The following SYT2 variants were observed in gnomAD, a reference collection of about 807,000 sequenced individuals.
SYT2 encodes the protein synaptotagmin-2.
Under a neutral mutation model 39.9 loss-of-function variants are expected in SYT2, and 15 were observed. The observed-to-expected ratio is 0.38, with a 90% CI of 0.25 to 0.58. SYT2 has a LOEUF of 0.58. Ranked by LOEUF, SYT2 falls within the 20% of genes least tolerant of loss-of-function variation. The probability of loss-of-function intolerance (pLI) is 0.70; values close to 1 mark genes in which losing one functional copy is unlikely to be tolerated. For synonymous variants in SYT2, 181 were observed against 204.5 expected (o/e 0.89, Z 0.98); for missense variants, 389 against 530.3 (o/e 0.73, Z 2.62).
At chr1:202,639,870 T>G in intron 1 of SYT2, 1 of 978,060 alleles carries the variant, frequency 1.0e-6, no homozygotes, top group African/African-American at 1.8e-5. Context: ...ACTGCAGGAC[T>G]GTGAACTGTA....
rs547504288 is a variant in SYT2 at position 202,609,124 on chromosome 1, G to A, written c.-17-3335C>T. Among the ~76,000 whole-genome samples the A allele has an allele frequency of 2.7e-4, 40 of 146,394 alleles. 1 individual carries two copies. The South Asian group carries it at 7.8e-3, about 29-fold the overall frequency. On this transcript the variant is annotated intron_variant, in intron 1 of 8. Transcript: ENST00000367268. ...TTCCCACCTATGAGTGAGAACATGC[G>A]GTGTTTGGTTTTTTGTCCTTGCGAT...
chr1:202,627,396 C>T (rs1313022114), intron 1 of SYT2: 6 of 973,802 alleles, frequency 6.2e-6, no homozygotes, highest in Non-Finnish European at 6.1e-6. Flanking sequence ...ACTCTGGCAA[C>T]CTCCGTCCCA....
chr1:202,700,268 G>T (rs1654079116), intron 1 of SYT2, among the ~76,000 whole-genome samples: 1 of 152,186 alleles, frequency 6.6e-6, no homozygotes, highest in Non-Finnish European at 1.5e-5. Flanking sequence ...CAGCAAGGCT[G>T]CCAGGCTGAC....
At chr1:202,688,379 G>A (rs975708302) in intron 1 of SYT2, among the ~76,000 whole-genome samples, 2 of 152,186 alleles carry the variant, frequency 1.3e-5, no homozygotes, top group Non-Finnish European at 2.9e-5. Flanking sequence ...CCCCGTGGGC[G>A]GCACAGTCGA....
intron 1 of SYT2, among the ~76,000 whole-genome samples, chr1:202,663,733 T>A (rs1253692505): frequency 6.6e-6 from 1 of 152,190 alleles, no homozygotes. Flanking sequence ...TGAGGCTGGC[T>A]AAGGGACCTC....
intron 1 of SYT2, among the ~76,000 whole-genome samples, chr1:202,629,866 G>GT (rs1345002188): frequency 9.0e-6 from 1 of 111,404 alleles, no homozygotes; most frequent in Non-Finnish European, 1.9e-5. Flanking sequence ...CAGGCAGCTG[G>GT]TGGGGGGGGG....
Position 202,601,743 on chromosome 1 carries a change from A to G in SYT2, c.801+147T>C, listed in dbSNP as rs1690510251. On this transcript the variant is annotated intron_variant, in intron 6 of 8. Coordinates refer to ENST00000367268, the MANE Select transcript of SYT2 (RefSeq NM_177402.5). This position sits in a 1 kb window ranked among gnomAD's most constrained non-coding sequence, Gnocchi z 4.0. The stretch of plus-strand genomic sequence containing the variant: ...TCCAGAGAGTGTAAGCAACTTGCCC[A>G]GGGTCACACAGCCAGGCAGTGTGGA... 1 of 828,776 alleles carries G rather than the reference A, an allele frequency of 1.2e-6. No individual in the cohort carries two copies. 51.3% of individuals were successfully genotyped at this position (828,776 alleles called of 1,614,324 possible).
At chr1:202,655,236 T>A (rs1179791720) in intron 1 of SYT2, among the ~76,000 whole-genome samples, 1 of 152,014 alleles carries the variant, frequency 6.6e-6, no homozygotes. Flanking sequence ...AGGTTGAAGC[T>A]GAAGGGTATG....
At chr1:202,618,353 G>A (rs1454906050) in intron 1 of SYT2, among the ~76,000 whole-genome samples, 1 of 151,810 alleles carries the variant, frequency 6.6e-6, no homozygotes, top group Non-Finnish European at 1.5e-5. Context: ...CTATATCCAG[G>A]GACACCCACC....
intron 1 of SYT2, among the ~76,000 whole-genome samples, chr1:202,656,940 T>A (rs925105166): frequency 6.6e-6 from 1 of 152,204 alleles, no homozygotes; most frequent in Admixed American, 6.5e-5. Flanking sequence ...ACAGGACCAC[T>A]CTCCAGCTCT....
At chr1:202,630,246 C>T (rs1180025676) in intron 1 of SYT2, 4 of 331,064 alleles carry the variant, frequency 1.2e-5, no homozygotes, top group Admixed American at 6.5e-5. Flanking sequence ...AAAAGAAAAA[C>T]GAATGTGCAG....
In SYT2 at chr1:202,605,656, G is replaced by A. The variant is rs1968583; in HGVS notation, c.117C>T (p.Ser39=). The A allele has an allele frequency of 0.5, 811,706 of 1,613,114 alleles. 211,692 individuals are homozygous for A. Among genetic ancestry groups the A allele is most frequent in the Non-Finnish European group, 0.54 (635,713 of 1,179,364 alleles). Residue 39 remains serine (S), a synonymous_variant, in exon 2 of 9, where the codon AGC becomes AGT. Transcript: ENST00000367268. ...NSTESGGAGE[S]QEDMFAKLKE... is the part of the protein sequence containing the mutation. ...TCAGTTTGGCAAACATGTCCTCCTGGCTCTCCCCAGCACCCCCACTCTCAG... is the reference window on the plus strand; with the variant it reads ...TCAGTTTGGCAAACATGTCCTCCTGACTCTCCCCAGCACCCCCACTCTCAG...
chr1:202,639,503 G>A (rs1691840811), intron 1 of SYT2: 1 of 985,388 alleles, frequency 1.0e-6, no homozygotes, highest in African/African-American at 1.7e-5. Context: ...GCCCCTTTCA[G>A]TGCCTCGTCC....
chr1:202,611,112 T>G (rs1690873669), intron 1 of SYT2, among the ~76,000 whole-genome samples: 1 of 152,236 alleles, frequency 6.6e-6, no homozygotes, highest in South Asian at 2.1e-4. Flanking sequence ...TAGTTTTGAT[T>G]TGCATTTCCC....
At chr1:202,651,383 C>T (rs1162458434) in intron 1 of SYT2, among the ~76,000 whole-genome samples, 1 of 151,990 alleles carries the variant, frequency 6.6e-6, no homozygotes, top group Non-Finnish European at 1.5e-5. Flanking sequence ...GGGAGTTCAG[C>T]CTGGGACACG....
rs1031220780 is a variant in SYT2 at position 202,592,073 on chromosome 1, G to A, written c.*4684C>T. On this transcript the variant is annotated 3_prime_UTR_variant, in exon 9 of 9. Coordinates refer to ENST00000367268, the MANE Select transcript of SYT2 (RefSeq NM_177402.5). ...GAAGTGGTCTGTGGGGAGCCAGTTG[G>A]AGAGACATGGGGGCTCCTGGGAGGA... 1.0e-4 allele frequency: 16 copies of A among 152,762 alleles called. No homozygotes were observed. Among genetic ancestry groups the A allele is most frequent in the African/African-American group, 3.9e-4 (16 of 41,464 alleles). 9.5% of individuals were successfully genotyped at this position (152,762 alleles called of 1,614,324 possible).
At position 202,616,300 on chromosome 1, in the gene SYT2, G is replaced by A. The variant is rs1237906861; in HGVS notation, c.-17-10511C>T. 3.9e-5 allele frequency among the ~76,000 whole-genome samples: 6 copies of A among 152,132 alleles called. No individual in the cohort carries two copies. In the South Asian group the frequency reaches 6.2e-4, roughly 16 times the overall value. On this transcript the variant is annotated intron_variant, in intron 1 of 8. Transcript: ENST00000367268. ...TTTTCCTCTGGTTAAGCCAGTTCCC[G>A]TTCCTGCGCAGGATCCCTCCTGACT...
chr1:202,692,665 G>A (rs773065093), intron 1 of SYT2, among the ~76,000 whole-genome samples: 4 of 152,216 alleles, frequency 2.6e-5, no homozygotes, highest in African/African-American at 9.6e-5. Context: ...AGTGGGGCCC[G>A]TAAAGAGGAG....
chr1:202,682,315 C>A (rs938904024), intron 1 of SYT2, among the ~76,000 whole-genome samples: 2 of 152,204 alleles, frequency 1.3e-5, no homozygotes, highest in African/African-American at 4.8e-5. Flanking sequence ...CTGGCTCAAA[C>A]ACGCCCCCAC....
Sources: allele counts gnomAD v4.1 joint callset (sites outside exome capture counted in the v4.1 genomes callset), GRCh38; gene constraint gnomAD v4.1.1; non-coding constraint Gnocchi (gnomAD v3.1); transcripts MANE v1.5; gene names NCBI Gene and HGNC (gene_info 2026-07-23, HGNC 2026-07-21).